The following RBFOX3 variants were observed in gnomAD, a reference collection of about 807,000 sequenced individuals.
RBFOX3 encodes the protein RNA binding protein fox-1 homolog 3.
RBFOX3 carries 17 observed loss-of-function variants against 48.7 expected under a neutral mutation model. The ratio of observed to expected loss-of-function variants is 0.35; its 90% CI spans 0.24 to 0.52. The LOEUF (loss-of-function observed/expected upper bound fraction) is 0.52, where lower values mean the gene tolerates loss of function less well. Ranked by LOEUF, RBFOX3 falls within the 20% of genes least tolerant of loss-of-function variation. The probability of loss-of-function intolerance (pLI) is 0.94; values close to 1 mark genes in which losing one functional copy is unlikely to be tolerated. For missense variants in RBFOX3, 382 were observed against 497.5 expected (o/e 0.77, Z 2.21); for synonymous variants, 212 against 209.5 (o/e 1.01, Z -0.10).
chr17:79,354,941 T>C (rs1010211781), intron 2 of RBFOX3, among the ~76,000 whole-genome samples: 1 of 152,206 alleles, frequency 6.6e-6, no homozygotes, highest in South Asian at 2.1e-4. Context: ...TGCACTTGGT[T>C]CGGCGTCAGC....
intron 3 of RBFOX3, among the ~76,000 whole-genome samples, chr17:79,295,347 C>A (rs1567993399): frequency 6.6e-6 from 1 of 152,240 alleles, no homozygotes. Flanking sequence ...GGTCTGATTT[C>A]TTAAATCAAG....
chr17:79,356,245 C>T (rs2084956363), intron 2 of RBFOX3, among the ~76,000 whole-genome samples: 1 of 151,820 alleles, frequency 6.6e-6, no homozygotes, highest in African/African-American at 2.4e-5. Context: ...GCAGACCCTC[C>T]TGCAGACGGG....
intron 2 of RBFOX3, among the ~76,000 whole-genome samples, chr17:79,435,830 T>C (rs983769598): frequency 6.6e-6 from 1 of 152,190 alleles, no homozygotes; most frequent in Non-Finnish European, 1.5e-5. Context: ...CCAGCCACCT[T>C]GCACATCCCC....
At chr17:79,655,600 G>A in the RBFOX3 span, among the ~76,000 whole-genome samples, 922 of 152,282 alleles carry the variant, frequency 6.1e-3, 11 homozygotes, top group African/African-American at 0.021. Flanking sequence ...GGCCTTTACT[G>A]ACCCTGACAG....
At chr17:79,304,135 G>A (rs941251621) in intron 3 of RBFOX3, among the ~76,000 whole-genome samples, 3 of 152,048 alleles carry the variant, frequency 2.0e-5, no homozygotes, top group Non-Finnish European at 4.4e-5. Context: ...GTTTCTTAGA[G>A]TGTAGCATAG....
chr17:79,559,305 G>A (rs1016702709), intron 1 of RBFOX3, among the ~76,000 whole-genome samples: 23,169 of 151,982 alleles, frequency 0.15, 2,590 homozygotes, highest in East Asian at 0.39. Flanking sequence ...GTGAGTGGGT[G>A]GTGGATGGTA....
rs1250167867 is a variant in RBFOX3 at position 79,443,409 on chromosome 17, T to C, written c.-175+39045A>G. On this transcript the variant is annotated intron_variant, in intron 2 of 14. Coordinates refer to ENST00000693108, the MANE Select transcript of RBFOX3 (RefSeq NM_001350451.2). This position sits in a 1 kb window ranked among gnomAD's most constrained non-coding sequence, Gnocchi z 4.4. The stretch of plus-strand genomic sequence containing the variant: ...CTCTTTTTTTTTTCTTTTGAGACAG[T>C]CTTGCTCTGTCGCCCAGGCTGGAGT... Among the ~76,000 whole-genome samples the C allele has an allele frequency of 6.6e-6, 1 of 152,036 alleles. No individual in the cohort carries two copies. Among genetic ancestry groups the C allele is most frequent in the Non-Finnish European group, 1.5e-5 (1 of 67,964 alleles).
chr17:79,412,676 T>C (rs1183111833), intron 2 of RBFOX3, among the ~76,000 whole-genome samples: 1 of 151,784 alleles, frequency 6.6e-6, no homozygotes. Context: ...GAGTGTATGG[T>C]ATATGTGTAT....
At chr17:79,527,749 T>C (rs1248631031) in intron 1 of RBFOX3, among the ~76,000 whole-genome samples, 1 of 152,194 alleles carries the variant, frequency 6.6e-6, no homozygotes, top group African/African-American at 2.4e-5. Flanking sequence ...GCAACTTTAT[T>C]TTTGTAAACC....
In RBFOX3 at chr17:79,390,986, C is replaced by G. The variant is rs1310940406; in HGVS notation, c.-174-83162G>C. 1.3e-5 allele frequency among the ~76,000 whole-genome samples: 2 copies of G among 152,186 alleles called. No individual in the cohort carries two copies. The highest frequency in any genetic ancestry group is 4.8e-5 in the African/African-American group (2 of 41,440). ...TCTCTTCCCGCTTTCTTCTCCACAG[C>G]CCCCTGATTCCCACAGATCCTTCCC... is the stretch of plus-strand genomic sequence containing the variant. On this transcript the variant is annotated intron_variant, in intron 2 of 14. Transcript: ENST00000693108. This position sits in a 1 kb window ranked among gnomAD's most constrained non-coding sequence, Gnocchi z 4.2.
intron 3 of RBFOX3, among the ~76,000 whole-genome samples, chr17:79,304,865 C>A (rs1485107167): frequency 6.6e-6 from 1 of 152,130 alleles, no homozygotes; most frequent in East Asian, 1.9e-4. Flanking sequence ...ACACGGGTGC[C>A]GTGTTCTCGA....
intron 2 of RBFOX3, among the ~76,000 whole-genome samples, chr17:79,370,392 A>T (rs1051554439): frequency 5.3e-5 from 8 of 152,338 alleles, no homozygotes; most frequent in Admixed American, 5.2e-4. Context: ...GCTGTGGCCA[A>T]GGTGGACACA....
chr17:79,529,775 GC>G (rs1206074678), intron 1 of RBFOX3, among the ~76,000 whole-genome samples: 1 of 152,208 alleles, frequency 6.6e-6, no homozygotes, highest in African/African-American at 2.4e-5. Flanking sequence ...TGCTCATCCT[GC>G]CCCCGTCCCC....
chr17:79,559,499 A>T (rs2092027400), intron 1 of RBFOX3, among the ~76,000 whole-genome samples: 1 of 132,436 alleles, frequency 7.6e-6, no homozygotes, highest in African/African-American at 2.8e-5. Context: ...TAGGTGGTGG[A>T]TTTTGTATGG....
chr17:79,596,370 C>T (rs1478337041), intron 1 of RBFOX3, among the ~76,000 whole-genome samples: 2 of 152,186 alleles, frequency 1.3e-5, no homozygotes, highest in Non-Finnish European at 2.9e-5. Flanking sequence ...CAGCCCTCTG[C>T]CCCCAGGCCC....
intron 4 of RBFOX3, among the ~76,000 whole-genome samples, chr17:79,157,381 C>A (rs1007003678): frequency 1.3e-5 from 2 of 152,220 alleles, no homozygotes; most frequent in African/African-American, 4.8e-5. Flanking sequence ...TCCACAGACA[C>A]TGACCACAAA....
At chr17:79,346,249 C>T (rs559917751) in intron 2 of RBFOX3, among the ~76,000 whole-genome samples, 1 of 152,292 alleles carries the variant, frequency 6.6e-6, no homozygotes, top group African/African-American at 2.4e-5. Context: ...TGACATTTAA[C>T]TACTTCATCC....
intron 1 of RBFOX3, among the ~76,000 whole-genome samples, chr17:79,489,383 C>T (rs962969205): frequency 6.6e-4 from 101 of 152,244 alleles, no homozygotes; most frequent in African/African-American, 9.1e-4. Flanking sequence ...CAGCCTCCAC[C>T]GCCCAGGCTC....
At position 79,535,312 on chromosome 17, in the gene RBFOX3, C is replaced by T. The variant is rs1599070925; in HGVS notation, c.-319-52714G>A. Among the ~76,000 whole-genome samples, 1 of 152,200 alleles carries T rather than the reference C, an allele frequency of 6.6e-6. No homozygotes were observed. The highest frequency in any genetic ancestry group is 1.9e-4 in the East Asian group (1 of 5,198). On this transcript the variant is annotated intron_variant, in intron 1 of 14. Transcript: ENST00000693108. This position sits in a 1 kb window ranked among gnomAD's most constrained non-coding sequence, Gnocchi z 4.5. ...CTTTCCTGAAAGACACTCTCTTTGACTCATTGGCCAGATCTGGGGATCACC... is the reference window on the plus strand; with the variant it reads ...CTTTCCTGAAAGACACTCTCTTTGATTCATTGGCCAGATCTGGGGATCACC...
Sources: gnomAD v4.1 joint callset for allele counts (sites outside exome capture counted in the v4.1 genomes callset) on GRCh38, gnomAD v4.1.1 for gene constraint, Gnocchi (gnomAD v3.1) non-coding constraint, MANE v1.5 for transcripts, NCBI Gene and HGNC (gene_info 2026-07-23, HGNC 2026-07-21) for gene names.